Variants in ATP10B observed in about 807,000 individuals in gnomAD.
ATP10B encodes phospholipid-transporting ATPase VB.
A neutral mutation model predicts 141.2 loss-of-function variants in ATP10B; 122 were observed. That is an observed-to-expected ratio of 0.86 (90% CI 0.75 to 1.00). The LOEUF is 1.00. Among genes scored for constraint, ATP10B ranks in the 50% least tolerant of loss-of-function variants. ATP10B has a pLI of 0.00. For synonymous variants in ATP10B, 685 were observed against 692.0 expected (o/e 0.99, Z 0.16); for missense variants, 1,876 against 1,825.3 (o/e 1.03, Z -0.51).
At chr5:160,592,550 CAG>C (rs1756386156) in intron 22 of ATP10B, among the ~76,000 whole-genome samples, 2 of 152,208 alleles carry the variant, frequency 1.3e-5, no homozygotes, top group South Asian at 4.1e-4. Flanking sequence ...TAGGGAGTGC[CAG>C]ACAGTGGGCA....
intron 22 of ATP10B, 117 bp from the exon 23 acceptor site, chr5:160,591,256 A>G: frequency 1.4e-6 from 1 of 738,780 alleles, no homozygotes; most frequent in South Asian, 1.9e-5. Flanking sequence ...TGCCTCTTGT[A>G]TTTGTGGTAG....
intron 7 of ATP10B, among the ~76,000 whole-genome samples, chr5:160,656,972 A>G (rs1761551563): frequency 6.6e-6 from 1 of 152,196 alleles, no homozygotes; most frequent in Non-Finnish European, 1.5e-5. Context: ...GTCTGTTTCT[A>G]CATGATTCCC....
At chr5:160,771,437 C>A (rs567537004) in intron 2 of ATP10B, among the ~76,000 whole-genome samples, 40 of 152,194 alleles carry the variant, frequency 2.6e-4, no homozygotes, top group African/African-American at 9.6e-4. Flanking sequence ...TGAGAATAAT[C>A]TTTAAAGAAT....
At chr5:160,576,377 C>T (rs560322505) in intron 24 of ATP10B, among the ~76,000 whole-genome samples, 17 of 152,230 alleles carry the variant, frequency 1.1e-4, no homozygotes, top group Admixed American at 3.3e-4. Context: ...CAACTACAGA[C>T]GTGACTGCAA....
chr5:160,786,328 T>C (rs78646462), intron 1 of ATP10B, among the ~76,000 whole-genome samples: 1,579 of 152,258 alleles, frequency 0.01, 26 homozygotes, highest in African/African-American at 0.036. Context: ...GACCCCCAGA[T>C]TTAACTATGA....
chr5:160,803,636 A>G (rs1221849961), intron 1 of ATP10B, among the ~76,000 whole-genome samples: 9 of 152,182 alleles, frequency 5.9e-5, no homozygotes, highest in Non-Finnish European at 1.3e-4. Flanking sequence ...AGATCATACC[A>G]CTGTACTCCA....
At chr5:160,755,620 C>G (rs1199353909) in intron 2 of ATP10B, among the ~76,000 whole-genome samples, 3 of 149,272 alleles carry the variant, frequency 2.0e-5, no homozygotes, top group African/African-American at 7.3e-5. Flanking sequence ...TCGAGACCAT[C>G]CCGGCTAAAA....
intron 10 of ATP10B, 150 bp from the exon 11 acceptor site, chr5:160,636,459 G>A (rs1406877698): frequency 5.6e-6 from 4 of 714,954 alleles, no homozygotes; most frequent in African/African-American, 1.8e-5. Flanking sequence ...GTGTGTGTGT[G>A]TTTGTGTATG....
the ATP10B span, among the ~76,000 whole-genome samples, chr5:160,919,228 A>AAAAAAAAAAAAAAG: frequency 7.1e-6 from 1 of 140,502 alleles, no homozygotes; most frequent in Non-Finnish European, 1.5e-5. Context: ...CGTCTCAAAA[A>AAAAAAAAAAAAAAG]AAAAAAAAAA....
At chr5:160,676,045 G>A (rs565497344) in intron 6 of ATP10B, among the ~76,000 whole-genome samples, 10 of 152,286 alleles carry the variant, frequency 6.6e-5, no homozygotes, top group East Asian at 1.9e-4. Flanking sequence ...TCACTGGGAC[G>A]TTTTTATTAA....
chr5:160,690,464 A>G (rs544282969), intron 3 of ATP10B, among the ~76,000 whole-genome samples: 84 of 152,340 alleles, frequency 5.5e-4, no homozygotes, highest in African/African-American at 2.0e-3. Context: ...GCATCTGACA[A>G]AGGGCTAATA....
At chr5:160,925,465 C>G in the ATP10B span, among the ~76,000 whole-genome samples, 1 of 152,216 alleles carries the variant, frequency 6.6e-6, no homozygotes, top group South Asian at 2.1e-4. Context: ...TGCCCAAGGT[C>G]ACACAGCTAG....
rs186794628 is a variant in ATP10B, at chr5:160,716,771, T to C, written c.-205+138A>G. ...CAAGGTCCTGCGGGACCCCGTTTTT[T>C]CTGTTCCATCATCCTTAGCTCTGGT... On this transcript the variant is annotated intron_variant, in intron 3 of 25. Transcript: ENST00000327245. 2.6e-4 allele frequency: 143 copies of C among 552,460 alleles called. 2 individuals are homozygous for C. The East Asian group carries it at 0.019, about 73-fold the overall frequency. 34.2% of individuals were successfully genotyped at this position (552,460 alleles called of 1,614,324 possible). A position where few individuals can be genotyped will look rare whatever the true frequency, so the allele number is the denominator to read the frequency against.
At chr5:160,743,665 G>T (rs1462364677) in intron 2 of ATP10B, among the ~76,000 whole-genome samples, 1 of 152,178 alleles carries the variant, frequency 6.6e-6, no homozygotes. Context: ...CAAAGGATAT[G>T]CTTAGCAGTA....
chr5:160,724,827 T>C (rs184522232), intron 2 of ATP10B, among the ~76,000 whole-genome samples: 2 of 152,346 alleles, frequency 1.3e-5, no homozygotes, highest in Admixed American at 1.3e-4. Context: ...TTTAAAACTG[T>C]AAGTTCCCTC....
intron 2 of ATP10B, among the ~76,000 whole-genome samples, chr5:160,782,492 AG>A (rs1309967620): frequency 7.1e-6 from 1 of 141,110 alleles, no homozygotes; most frequent in African/African-American, 2.6e-5. Context: ...CACTCACTTT[AG>A]GAGCCCAGCC....
chr5:160,750,190 GC>G (rs1232423339), intron 2 of ATP10B, among the ~76,000 whole-genome samples: 3 of 152,128 alleles, frequency 2.0e-5, no homozygotes, highest in East Asian at 1.9e-4. Context: ...AATCACTCAT[GC>G]CATGTCCTAA....
intron 2 of ATP10B, among the ~76,000 whole-genome samples, chr5:160,723,231 GT>G (rs1766101579): frequency 6.6e-6 from 1 of 152,212 alleles, no homozygotes; most frequent in Admixed American, 6.5e-5. Context: ...ATATACTAAG[GT>G]TGAAATGCTG....
Position 160,563,491 on chromosome 5 carries a change from C to T in ATP10B, c.*1962G>A, listed in dbSNP as rs1754367224. ...ATCAGACATTATTTTTTAACTTCTC[C>T]ACCTATTTTCCCTTTAGCTGTGAAA... On this transcript the variant is annotated 3_prime_UTR_variant, in exon 26 of 26. Transcript: ENST00000327245. 6.6e-6 allele frequency: 1 copy of T among 152,200 alleles called. No homozygotes were observed. The highest frequency in any genetic ancestry group is 2.4e-5 in the African/African-American group (1 of 41,460). 9.4% of individuals were successfully genotyped at this position (152,200 alleles called of 1,614,324 possible).
Sources: gnomAD v4.1 joint callset for allele counts (sites outside exome capture counted in the v4.1 genomes callset) on GRCh38, gnomAD v4.1.1 for gene constraint, MANE v1.5 for transcripts, NCBI Gene and HGNC (gene_info 2026-07-23, HGNC 2026-07-21) for gene names.